CHRM1: variants seen among roughly 807,000 people sequenced by gnomAD.
CHRM1 encodes cholinergic receptor muscarinic 1.
Under a neutral mutation model 31.6 loss-of-function variants are expected in CHRM1, and 5 were observed. The ratio of observed to expected loss-of-function variants is 0.16; its 90% CI spans 0.08 to 0.33. The LOEUF is 0.33. CHRM1 is among the 10% of genes least tolerant of loss of function. CHRM1 has a pLI of 1.00. For synonymous variants in CHRM1, 227 were observed against 249.7 expected (o/e 0.91, Z 0.86); for missense variants, 338 against 610.3 (o/e 0.55, Z 4.70).
chr11:62,913,850 A>ATT (rs36126486), intron 1 of CHRM1, among the ~76,000 whole-genome samples: 1 of 141,330 alleles, frequency 7.1e-6, no homozygotes, highest in Non-Finnish European at 1.6e-5. Context: ...TGTTGTCTCC[A>ATT]TTTTTTTTTT....
intron 1 of CHRM1, among the ~76,000 whole-genome samples, chr11:62,914,816 A>C (rs762471543): frequency 2.6e-5 from 4 of 152,202 alleles, no homozygotes; most frequent in Non-Finnish European, 5.9e-5. Context: ...TGCTAGCCTG[A>C]GAGGCTGCAC....
intron 1 of CHRM1, among the ~76,000 whole-genome samples, chr11:62,912,395 A>G (rs553285487): frequency 2.2e-4 from 33 of 149,972 alleles, no homozygotes; most frequent in Middle Eastern, 3.4e-3. Flanking sequence ...ACCAAAAGGA[A>G]AAAAAAAAGA....
rs142847086 is a variant in CHRM1 at position 62,909,342 on chromosome 11, C to A, written c.*376G>T. On this transcript the variant is annotated 3_prime_UTR_variant, in exon 2 of 2. Transcript: ENST00000306960. ...CACCATCTCACACCGCAATCTGGGCCGCTGCTGGGCCAAGGAATACTTAAT... is the reference window on the plus strand; with the variant it reads ...CACCATCTCACACCGCAATCTGGGCAGCTGCTGGGCCAAGGAATACTTAAT... 8 of 199,872 alleles carry A rather than the reference C, an allele frequency of 4.0e-5. No homozygotes were observed. In the South Asian group the frequency reaches 8.4e-4, roughly 21 times the overall value. 12.4% of individuals were successfully genotyped at this position (199,872 alleles called of 1,614,324 possible). A position where few individuals can be genotyped will look rare whatever the true frequency, so the allele number is the denominator to read the frequency against.
chr11:62,911,207 G>A, intron 1 of CHRM1, 29 bp from the exon 2 acceptor site: 1 of 1,083,332 alleles, frequency 9.2e-7, no homozygotes. Context: ...GGCTTTGGTT[G>A]GGCCACTGGA....
In CHRM1 at chr11:62,921,259, G is replaced by C. The variant is rs1008711000; in HGVS notation, c.-120C>G. ...GGTCTGTAGGGTCCTCAGCCCCACT[G>C]CCTCCCTGGGGGCCTGCGGCGTCTC... is the stretch of plus-strand genomic sequence containing the variant. On this transcript the variant is annotated 5_prime_UTR_variant, in exon 1 of 2. Transcript: ENST00000306960. 10 of 152,204 alleles carry C rather than the reference G, an allele frequency of 6.6e-5. No homozygotes were observed. The highest frequency in any genetic ancestry group is 2.2e-4 in the African/African-American group (9 of 41,430). 9.4% of individuals were successfully genotyped at this position (152,204 alleles called of 1,614,324 possible). A position where few individuals can be genotyped will look rare whatever the true frequency, so the allele number is the denominator to read the frequency against.
chr11:62,918,605 A>T (rs967519736), intron 1 of CHRM1, among the ~76,000 whole-genome samples: 1 of 152,232 alleles, frequency 6.6e-6, no homozygotes, highest in African/African-American at 2.4e-5. Flanking sequence ...GCTGCAGGGA[A>T]GCTAAGTGAG....
chr11:62,919,945 C>CACTTTT (rs1429138469), intron 1 of CHRM1, among the ~76,000 whole-genome samples: 1 of 152,208 alleles, frequency 6.6e-6, no homozygotes, highest in Admixed American at 6.5e-5. Flanking sequence ...CCCTTCTTGA[C>CACTTTT]ACTTTGGACT....
At chr11:62,912,333 A>G (rs866671047) in intron 1 of CHRM1, among the ~76,000 whole-genome samples, 27 of 143,118 alleles carry the variant, frequency 1.9e-4, no homozygotes, top group Non-Finnish European at 3.8e-4. Context: ...GTGCCACTGC[A>G]CTCCAGCCTG....
Position 62,910,207 on chromosome 11 carries a change from G to T in CHRM1, c.894C>A (p.Ser298=), listed in dbSNP as rs777950025. The T allele has an allele frequency of 1.9e-6, 3 of 1,605,754 alleles. No individual in the cohort carries two copies. Among genetic ancestry groups the T allele is most frequent in the Non-Finnish European group, 2.5e-6 (3 of 1,176,566 alleles). ...LTSSEGEEPG[S]EVVIKMPMVD... is the part of the protein sequence containing the mutation. ...CCATTGGCATCTTGATCACCACTTC[G>T]GAGCCAGGCTCCTCTCCCTCTGAGG... The change falls in exon 2 of 2, where the codon TCC becomes TCA. Residue 298 remains serine (S), a synonymous_variant. Transcript: ENST00000306960. This position sits in a 1 kb window ranked among gnomAD's most constrained non-coding sequence, Gnocchi z 8.7.
At chr11:62,919,602 C>G (rs1478091794) in intron 1 of CHRM1, among the ~76,000 whole-genome samples, 1 of 151,994 alleles carries the variant, frequency 6.6e-6, no homozygotes, top group African/African-American at 2.4e-5. Context: ...CCTTTCTTCT[C>G]TCTCCCTCCC....
chr11:62,909,464 T>G lies in CHRM1; in HGVS notation c.*254A>C. 1 of 522,360 alleles carries G rather than the reference T, an allele frequency of 1.9e-6. No homozygotes were observed. The highest frequency in any genetic ancestry group is 2.9e-5 in the South Asian group (1 of 34,888). The allele number at this position is 522,360 out of a possible 1,614,324, so 32.4% of individuals were successfully genotyped here. The stretch of plus-strand genomic sequence containing the variant: ...AAGCCCGGATCCTCCTCCCGGGCCT[T>G]CTTCCTGGTGAAGAGCGCATTCCCA... On this transcript the variant is annotated 3_prime_UTR_variant, in exon 2 of 2. Coordinates refer to ENST00000306960, the MANE Select transcript of CHRM1 (RefSeq NM_000738.3).
intron 1 of CHRM1, among the ~76,000 whole-genome samples, chr11:62,911,975 T>C (rs1209575902): frequency 1.3e-5 from 2 of 152,138 alleles, no homozygotes; most frequent in Non-Finnish European, 2.9e-5. Context: ...CATGCGGGTT[T>C]ACATACGTAT....
intron 1 of CHRM1, among the ~76,000 whole-genome samples, chr11:62,915,705 C>CA (rs532876960): frequency 3.1e-4 from 47 of 152,296 alleles, no homozygotes; most frequent in Non-Finnish European, 6.5e-4. Context: ...GTCGACCTTT[C>CA]ATTCCCCTGC....
At chr11:62,913,906 G>A (rs570966018) in intron 1 of CHRM1, among the ~76,000 whole-genome samples, 26 of 150,220 alleles carry the variant, frequency 1.7e-4, no homozygotes, top group Admixed American at 9.3e-4. Flanking sequence ...GTGCAGTTGC[G>A]CGATCTCGGC....
At chr11:62,914,618 C>T (rs1304625149) in intron 1 of CHRM1, among the ~76,000 whole-genome samples, 2 of 152,160 alleles carry the variant, frequency 1.3e-5, no homozygotes, top group African/African-American at 4.8e-5. Flanking sequence ...CTATTTAATG[C>T]CCATCGCTCA....
In CHRM1 at chr11:62,909,562, G is replaced by T; in HGVS notation, c.*156C>A. 1 of 863,556 alleles carries T rather than the reference G, an allele frequency of 1.2e-6. No homozygotes were observed. The highest frequency in any genetic ancestry group is 1.8e-6 in the Non-Finnish European group (1 of 565,036). 53.5% of individuals were successfully genotyped at this position (863,556 alleles called of 1,614,324 possible). A position where few individuals can be genotyped will look rare whatever the true frequency, so the allele number is the denominator to read the frequency against. On this transcript the variant is annotated 3_prime_UTR_variant, in exon 2 of 2. Coordinates refer to ENST00000306960, the MANE Select transcript of CHRM1 (RefSeq NM_000738.3). ...TGGGAATAGCGAAGTCTGGAAAGTT[G>T]GCAGGGTCTCTCTGGGCTGCCCAGG...
At chr11:62,919,726 T>C (rs1456604507) in intron 1 of CHRM1, among the ~76,000 whole-genome samples, 1 of 152,022 alleles carries the variant, frequency 6.6e-6, no homozygotes, top group African/African-American at 2.4e-5. Context: ...CAGAGCTTAC[T>C]GCGCCCCCTG....
intron 1 of CHRM1, among the ~76,000 whole-genome samples, chr11:62,915,708 T>A (rs764204945): frequency 6.6e-6 from 1 of 152,054 alleles, no homozygotes; most frequent in Non-Finnish European, 1.5e-5. Flanking sequence ...GACCTTTCAT[T>A]CCCCTGCTGC....
rs994203419 is a variant in CHRM1, at chr11:62,914,023, A to G, written c.-78-2845T>C. ...AGTGGCACAATCTCGGCTCACTGCA[A>G]CCTCCGCCTCCGGGTTCACACCATT... is the stretch of plus-strand genomic sequence containing the variant. On this transcript the variant is annotated intron_variant, in intron 1 of 1. Transcript: ENST00000306960. Among the ~76,000 whole-genome samples the G allele has an allele frequency of 2.6e-5, 4 of 151,296 alleles. No individual in the cohort carries two copies. In the East Asian group the frequency reaches 7.8e-4, roughly 30 times the overall value.
Sources: allele counts gnomAD v4.1 joint callset (sites outside exome capture counted in the v4.1 genomes callset), GRCh38; gene constraint gnomAD v4.1.1; non-coding constraint Gnocchi (gnomAD v3.1); transcripts MANE v1.5; gene names NCBI Gene and HGNC (gene_info 2026-07-23, HGNC 2026-07-21).